Variants in AOPEP observed in about 807,000 individuals in gnomAD.
AOPEP encodes the protein aminopeptidase O.
Under a neutral mutation model 98.1 loss-of-function variants are expected in AOPEP, and 77 were observed. The observed-to-expected ratio is 0.78, with a 90% CI of 0.65 to 0.95. AOPEP has a LOEUF of 0.95. AOPEP is among the 40% of genes least tolerant of loss of function. The probability of loss-of-function intolerance (pLI) is 0.00; values close to 1 mark genes in which losing one functional copy is unlikely to be tolerated. For missense variants in AOPEP, 1,024 were observed against 1,024.7 expected (o/e 1.00, Z 0.01); for synonymous variants, 346 against 365.3 (o/e 0.95, Z 0.60).
intron 5 of AOPEP, among the ~76,000 whole-genome samples, chr9:94,902,814 G>A (rs1020191133): frequency 6.6e-6 from 1 of 150,468 alleles, no homozygotes; most frequent in Non-Finnish European, 1.5e-5. Context: ...CCAGCACTTT[G>A]GGAGGCCGAG....
At chr9:94,813,850 A>G (rs536186808) in intron 5 of AOPEP, among the ~76,000 whole-genome samples, 2 of 152,326 alleles carry the variant, frequency 1.3e-5, no homozygotes, top group Admixed American at 6.5e-5. Flanking sequence ...ATAGGATGCA[A>G]TGTGAGATTG....
intron 5 of AOPEP, among the ~76,000 whole-genome samples, chr9:94,823,725 A>G (rs1460081323): frequency 2.0e-5 from 3 of 152,118 alleles, no homozygotes; most frequent in African/African-American, 7.2e-5. Context: ...TATCTTTTCA[A>G]ATTTGGAGAA....
At chr9:95,110,861 G>C in the AOPEP span, 1 of 1,190,622 alleles carries the variant, frequency 8.4e-7, no homozygotes, top group Non-Finnish European at 1.0e-6. Context: ...AATAACAACT[G>C]TCTTTGCCAC....
In AOPEP at chr9:94,930,343, T is replaced by C. The variant is rs1419234095; in HGVS notation, c.1661+1812T>C. ...TGGGTAGATGGTGATCCCATTTGTG[T>C]GATGGTAAAGACATGAGGAGGAGCT... On this transcript the variant is annotated intron_variant, in intron 7 of 16. Coordinates refer to ENST00000375315, the MANE Select transcript of AOPEP (RefSeq NM_001193329.3). The surrounding 1 kb of genome is among the most constrained non-coding windows in gnomAD (Gnocchi z 4.5). Among the ~76,000 whole-genome samples the C allele has an allele frequency of 5.9e-5, 9 of 152,138 alleles. No individual in the cohort carries two copies. Among genetic ancestry groups the C allele is most frequent in the Non-Finnish European group, 1.3e-4 (9 of 68,024 alleles).
chr9:94,772,872 A>C (rs1841198770), intron 2 of AOPEP, 130 bp from the exon 3 acceptor site: 1 of 876,094 alleles, frequency 1.1e-6, no homozygotes, highest in South Asian at 2.6e-5. Flanking sequence ...ATGCTAGGAA[A>C]CCAGTCAACT....
chr9:94,892,045 C>A (rs1405976619), intron 5 of AOPEP, among the ~76,000 whole-genome samples: 2 of 152,172 alleles, frequency 1.3e-5, no homozygotes, highest in Non-Finnish European at 1.5e-5. Flanking sequence ...ATGGGACAAC[C>A]ACTGTCTTTC....
the AOPEP span, chr9:95,114,348 C>T: frequency 6.6e-6 from 3 of 454,294 alleles, no homozygotes; most frequent in East Asian, 1.3e-4. Context: ...TATTGTTATG[C>T]CTGTATATTT....
chr9:95,082,069 C>G (rs948452872), intron 15 of AOPEP, among the ~76,000 whole-genome samples: 1 of 152,054 alleles, frequency 6.6e-6, no homozygotes, highest in Non-Finnish European at 1.5e-5. Flanking sequence ...GGGTGGGCGT[C>G]TCTGCGGGCA....
chr9:94,845,989 G>A (rs563996546), intron 5 of AOPEP, among the ~76,000 whole-genome samples: 42 of 152,214 alleles, frequency 2.8e-4, no homozygotes, highest in African/African-American at 9.9e-4. Context: ...CAGCTACTGG[G>A]GAGGCTGAAG....
intron 16 of AOPEP, chr9:95,085,607 C>A: frequency 2.4e-6 from 1 of 412,414 alleles, no homozygotes; most frequent in Non-Finnish European, 4.9e-6. Flanking sequence ...GCCGCTGCTG[C>A]ACAGTCAGCT....
intron 5 of AOPEP, among the ~76,000 whole-genome samples, chr9:94,831,245 G>A (rs559426906): frequency 1.3e-5 from 2 of 152,222 alleles, no homozygotes; most frequent in East Asian, 3.9e-4. Context: ...GTTAAGGAAG[G>A]GGTTCCAGTT....
intron 3 of AOPEP, among the ~76,000 whole-genome samples, chr9:94,781,840 G>T (rs1265894276): frequency 6.6e-6 from 1 of 151,124 alleles, no homozygotes; most frequent in Non-Finnish European, 1.5e-5. Context: ...GATTATAGGC[G>T]TGAAAGTTTT....
At position 94,892,738 on chromosome 9, in the gene AOPEP, G is replaced by A. The variant is rs181409219; in HGVS notation, c.1365-31248G>A. On this transcript the variant is annotated intron_variant, in intron 5 of 16. Transcript: ENST00000375315. ...CTTTCTATTATTTTTTAAAGAGGGA[G>A]GGTCTTGCTCTGTCACTGAGCCTGG... 1.7e-3 allele frequency among the ~76,000 whole-genome samples: 264 copies of A among 152,290 alleles called. 1 individual carries two copies. The highest frequency in any genetic ancestry group is 3.5e-3 in the South Asian group (17 of 4,820).
chr9:95,111,533 G>C, the AOPEP span: 1 of 1,614,044 alleles, frequency 6.2e-7, no homozygotes, highest in African/African-American at 1.3e-5. Context: ...CAGCAGGGCC[G>C]TGGGGGGTTC....
At chr9:95,105,425 T>C in the AOPEP span, among the ~76,000 whole-genome samples, 80 of 152,342 alleles carry the variant, frequency 5.3e-4, no homozygotes, top group African/African-American at 1.9e-3. Flanking sequence ...TGTATGTATA[T>C]GTCAACAAAA....
intron 5 of AOPEP, among the ~76,000 whole-genome samples, chr9:94,899,747 C>CT (rs2050137701): frequency 6.6e-6 from 1 of 151,242 alleles, no homozygotes; most frequent in East Asian, 1.9e-4. Context: ...GGGACCCTAT[C>CT]TAAAAAAAAA....
chr9:94,986,368 T>C (rs911117874), intron 11 of AOPEP, among the ~76,000 whole-genome samples: 1 of 152,254 alleles, frequency 6.6e-6, no homozygotes, highest in South Asian at 2.1e-4. Flanking sequence ...TGAGTTGTAC[T>C]GGGGTTTAGG....
the AOPEP span, chr9:95,100,936 A>G: frequency 3.0e-5 from 7 of 233,072 alleles, no homozygotes; most frequent in African/African-American, 1.1e-4. Context: ...AGCCAGGCCA[A>G]TTCTTTATCA....
intron 1 of AOPEP, among the ~76,000 whole-genome samples, chr9:94,745,637 G>A (rs1310483210): frequency 6.6e-6 from 1 of 152,118 alleles, no homozygotes; most frequent in Admixed American, 6.5e-5. Context: ...TTCTGTGCCT[G>A]TCTTTTTTCA....
Sources: allele counts gnomAD v4.1 joint callset (sites outside exome capture counted in the v4.1 genomes callset), GRCh38; gene constraint gnomAD v4.1.1; non-coding constraint Gnocchi (gnomAD v3.1); transcripts MANE v1.5; gene names NCBI Gene and HGNC (gene_info 2026-07-23, HGNC 2026-07-21).